ATRNL1: variants seen among roughly 807,000 people sequenced by gnomAD.
ATRNL1 encodes the protein attractin like 1.
In ATRNL1, 95 loss-of-function variants were observed where a neutral mutation model predicts 182.7. The ratio of observed to expected loss-of-function variants is 0.52; its 90% CI spans 0.44 to 0.62. The LOEUF (loss-of-function observed/expected upper bound fraction) is 0.62, where lower values mean the gene tolerates loss of function less well. Among genes scored for constraint, ATRNL1 ranks in the 20% least tolerant of loss-of-function variants. ATRNL1 has a pLI of 0.00. For synonymous variants in ATRNL1, 576 were observed against 568.3 expected, an observed-to-expected ratio of 1.01 and a Z score of -0.19; for missense variants, 1,471 against 1,679.5, an observed-to-expected ratio of 0.88 and a Z score of 2.17.
chr10:115,399,146 A>T (rs1844431599), intron 20 of ATRNL1, among the ~76,000 whole-genome samples: 1 of 152,064 alleles, frequency 6.6e-6, no homozygotes, highest in African/African-American at 2.4e-5. Flanking sequence ...TTCATCCAGG[A>T]TATCCACCTG....
intron 21 of ATRNL1, among the ~76,000 whole-genome samples, chr10:115,431,617 TA>T (rs1422124147): frequency 6.6e-6 from 1 of 152,084 alleles, no homozygotes; most frequent in African/African-American, 2.4e-5. Context: ...TTTATTTATT[TA>T]AAATTAAAAG....
intron 26 of ATRNL1, among the ~76,000 whole-genome samples, chr10:115,577,510 G>T (rs1555005708): frequency 6.6e-6 from 1 of 151,050 alleles, no homozygotes; most frequent in Non-Finnish European, 1.5e-5. Context: ...TTTCTTAATT[G>T]TGTATCTAAT....
intron 26 of ATRNL1, among the ~76,000 whole-genome samples, chr10:115,655,439 G>T (rs2133890459): frequency 6.6e-6 from 1 of 152,156 alleles, no homozygotes; most frequent in East Asian, 1.9e-4. Flanking sequence ...TTTCTTCATA[G>T]ATCGACATGA....
chr10:115,168,456 A>G (rs1847144043), intron 7 of ATRNL1, among the ~76,000 whole-genome samples: 1 of 152,038 alleles, frequency 6.6e-6, no homozygotes, highest in African/African-American at 2.4e-5. Context: ...TTCTATTTCT[A>G]TACATCCTTG....
chr10:115,414,201 T>C (rs1193723771), intron 20 of ATRNL1, among the ~76,000 whole-genome samples: 4 of 152,192 alleles, frequency 2.6e-5, no homozygotes, highest in African/African-American at 9.6e-5. Flanking sequence ...AAAACCTACA[T>C]AAAAGATTCT....
intron 26 of ATRNL1, among the ~76,000 whole-genome samples, chr10:115,626,939 A>G (rs921782548): frequency 6.6e-6 from 1 of 152,180 alleles, no homozygotes; most frequent in Admixed American, 6.5e-5. Context: ...AATATTTAAC[A>G]TGGTTTTTGC....
intron 24 of ATRNL1, among the ~76,000 whole-genome samples, chr10:115,470,545 A>C (rs73371441): frequency 0.027 from 4,063 of 150,670 alleles, 218 homozygotes; most frequent in African/African-American, 0.094. Flanking sequence ...GCACTTAGTA[A>C]TTAGTTATTA....
At position 115,614,324 on chromosome 10, in the gene ATRNL1, A is replaced by G. The variant is rs1262451154; in HGVS notation, c.3795+64788A>G. On this transcript the variant is annotated intron_variant, in intron 26 of 28. Coordinates refer to ENST00000355044, the MANE Select transcript of ATRNL1 (RefSeq NM_207303.4). The stretch of plus-strand genomic sequence containing the variant: ...TGCTTAATTTCAATGTATTTGTACA[A>G]TTTCCAGAGTTCTTCACGTTATTTG... 2.6e-5 allele frequency among the ~76,000 whole-genome samples: 4 copies of G among 152,088 alleles called. No individual in the cohort carries two copies. The East Asian group carries it at 7.7e-4, about 29-fold the overall frequency.
intron 27 of ATRNL1, among the ~76,000 whole-genome samples, chr10:115,762,850 A>G (rs930728249): frequency 8.6e-5 from 13 of 152,046 alleles, no homozygotes; most frequent in South Asian, 8.3e-4. Flanking sequence ...AAAGCATACA[A>G]TTTTTCTAAC....
At chr10:115,113,445 T>C (rs558598406) in intron 1 of ATRNL1, among the ~76,000 whole-genome samples, 1 of 152,314 alleles carries the variant, frequency 6.6e-6, no homozygotes, top group East Asian at 1.9e-4. Flanking sequence ...ATGGTTTGGC[T>C]GTGTCCCCAC....
chr10:115,674,243 G>A (rs1015868456), intron 26 of ATRNL1, among the ~76,000 whole-genome samples: 10 of 152,008 alleles, frequency 6.6e-5, no homozygotes, highest in African/African-American at 2.2e-4. Context: ...CATGATAAAT[G>A]TCACTTCCCA....
At chr10:115,308,979 C>T (rs1401537461) in intron 17 of ATRNL1, among the ~76,000 whole-genome samples, 2 of 152,030 alleles carry the variant, frequency 1.3e-5, no homozygotes, top group Admixed American at 1.3e-4. Context: ...ATATGTTGAT[C>T]CAGCTATCCC....
intron 28 of ATRNL1, among the ~76,000 whole-genome samples, chr10:115,914,346 A>G (rs765527424): frequency 5.6e-4 from 85 of 152,182 alleles, no homozygotes; most frequent in Non-Finnish European, 9.4e-4. Context: ...GAAGGATAGG[A>G]TAGAGAGGAA....
At chr10:115,715,756 A>G (rs1392651402) in intron 26 of ATRNL1, among the ~76,000 whole-genome samples, 9 of 152,250 alleles carry the variant, frequency 5.9e-5, no homozygotes, top group Admixed American at 5.9e-4. Flanking sequence ...TCAAAAATTT[A>G]CTCATAGACA....
In ATRNL1 at chr10:115,512,468, A is replaced by G. The variant is rs564804567; in HGVS notation, c.3655-6795A>G. On this transcript the variant is annotated intron_variant, in intron 24 of 28. Coordinates refer to ENST00000355044, the MANE Select transcript of ATRNL1 (RefSeq NM_207303.4). ...GAATACTCCTGTGCTAAATCTTGCTATTGAATCTATTTATTCTATAAATTT... is the reference window on the plus strand; with the variant it reads ...GAATACTCCTGTGCTAAATCTTGCTGTTGAATCTATTTATTCTATAAATTT... Among the ~76,000 whole-genome samples the G allele has an allele frequency of 8.1e-4, 123 of 151,852 alleles. No homozygotes were observed. The Middle Eastern group carries it at 0.031, about 38-fold the overall frequency.
At chr10:115,621,276 T>TATATATATATAGAGAGAGAGAGAG (rs1268020830) in intron 26 of ATRNL1, among the ~76,000 whole-genome samples, 2 of 47,578 alleles carry the variant, frequency 4.2e-5, no homozygotes, top group African/African-American at 1.5e-4. Context: ...TATATATATA[T>TATATATATATAGAGAGAGAGAGAG]AGAGAGAGAG....
intron 18 of ATRNL1, among the ~76,000 whole-genome samples, chr10:115,325,848 G>A (rs1554933005): frequency 6.6e-6 from 1 of 150,910 alleles, no homozygotes; most frequent in Non-Finnish European, 1.5e-5. Flanking sequence ...TGAGGGAGAT[G>A]TTAGATATGA....
chr10:115,695,126 T>C (rs1226765402), intron 26 of ATRNL1, among the ~76,000 whole-genome samples: 1 of 152,036 alleles, frequency 6.6e-6, no homozygotes, highest in Non-Finnish European at 1.5e-5. Context: ...GACACATTTT[T>C]TAAAAGAAAA....
At chr10:115,468,923 G>C (rs944695436) in intron 23 of ATRNL1, among the ~76,000 whole-genome samples, 15 of 150,550 alleles carry the variant, frequency 1.0e-4, no homozygotes, top group Admixed American at 7.3e-4. Context: ...TTTTAAAAAA[G>C]AATATAAAGT....
Sources: allele counts gnomAD v4.1 joint callset (sites outside exome capture counted in the v4.1 genomes callset), GRCh38; gene constraint gnomAD v4.1.1; transcripts MANE v1.5; gene names NCBI Gene and HGNC (gene_info 2026-07-23, HGNC 2026-07-21).